Variants in SGCE observed in about 807,000 individuals in gnomAD.
The protein encoded by SGCE is sarcoglycan epsilon.
SGCE carries 26 observed loss-of-function variants against 57.8 expected under a neutral mutation model. The ratio of observed to expected loss-of-function variants is 0.45; its 90% CI spans 0.33 to 0.62. SGCE has a LOEUF of 0.62. SGCE is among the 20% of genes least tolerant of loss of function. The pLI, the probability that SGCE is intolerant of heterozygous loss-of-function variation, is 0.02. For missense variants in SGCE, 468 were observed against 548.6 expected (o/e 0.85, Z 1.47); for synonymous variants, 183 against 189.5 (o/e 0.97, Z 0.28).
At chr7:94,651,315 T>C (rs1411078927) in intron 1 of SGCE, among the ~76,000 whole-genome samples, 1 of 152,234 alleles carries the variant, frequency 6.6e-6, no homozygotes, top group African/African-American at 2.4e-5. Context: ...AATTAATCCA[T>C]GGATTTTAAA....
intron 5 of SGCE, among the ~76,000 whole-genome samples, chr7:94,610,995 A>G (rs1800933501): frequency 6.6e-6 from 1 of 152,226 alleles, no homozygotes; most frequent in African/African-American, 2.4e-5. Flanking sequence ...AAGGCAGATA[A>G]TAGCTAGTGC....
intron 8 of SGCE, 32 bp from the exon 9 acceptor site, chr7:94,598,995 T>G: frequency 1.3e-6 from 2 of 1,545,606 alleles, no homozygotes; most frequent in Non-Finnish European, 1.8e-6. Context: ...CAACATATAT[T>G]TAAAATCATA....
At chr7:94,638,267 T>C (rs569744180) in intron 1 of SGCE, among the ~76,000 whole-genome samples, 1 of 152,296 alleles carries the variant, frequency 6.6e-6, no homozygotes, top group Non-Finnish European at 1.5e-5. Flanking sequence ...AATACACAGG[T>C]ATTTGTAGGT....
intron 10 of SGCE, chr7:94,586,739 T>G (rs1584466755): frequency 1.7e-6 from 1 of 591,798 alleles, no homozygotes; most frequent in Non-Finnish European, 2.1e-6. Flanking sequence ...TGACCTCAGG[T>G]GATCCGCCTG....
At chr7:94,653,997 GTATT>G (rs1808242048) in intron 1 of SGCE, among the ~76,000 whole-genome samples, 3 of 151,980 alleles carry the variant, frequency 2.0e-5, no homozygotes. Flanking sequence ...CTTTTAGAAA[GTATT>G]TAACTGCAAT....
intron 9 of SGCE, among the ~76,000 whole-genome samples, chr7:94,591,865 C>G (rs1797718483): frequency 6.6e-6 from 1 of 152,138 alleles, no homozygotes; most frequent in African/African-American, 2.4e-5. Flanking sequence ...AAGAAAGCAA[C>G]TGTGTGTCTT....
intron 1 of SGCE, among the ~76,000 whole-genome samples, chr7:94,636,844 A>G (rs560568423): frequency 1.2e-3 from 189 of 152,280 alleles, no homozygotes; most frequent in South Asian, 2.1e-3. Context: ...CGGGCAGATC[A>G]CCTGAGGTCA....
chr7:94,600,550 T>G, intron 7 of SGCE, 96 bp downstream of exon 7: 1 of 861,612 alleles, frequency 1.2e-6, no homozygotes. Flanking sequence ...TTACAAAGTG[T>G]TTTATGAACC....
At chr7:94,595,864 T>C (rs1397330982) in intron 9 of SGCE, among the ~76,000 whole-genome samples, 3 of 152,020 alleles carry the variant, frequency 2.0e-5, no homozygotes, top group African/African-American at 7.2e-5. Context: ...TTTCTAAGAA[T>C]AAAAGAAAGA....
At chr7:94,645,431 GA>G (rs1357460889) in intron 1 of SGCE, among the ~76,000 whole-genome samples, 1 of 152,116 alleles carries the variant, frequency 6.6e-6, no homozygotes, top group Non-Finnish European at 1.5e-5. Context: ...AACCTATGGG[GA>G]AAAAAATGGC....
intron 1 of SGCE, among the ~76,000 whole-genome samples, chr7:94,649,775 T>C (rs944262111): frequency 6.6e-6 from 1 of 151,962 alleles, no homozygotes; most frequent in African/African-American, 2.4e-5. Flanking sequence ...ACAACTGGAG[T>C]GGAGGAGAAA....
intron 5 of SGCE, among the ~76,000 whole-genome samples, chr7:94,614,107 C>CAAAAAAAAAAAAAAAAAA (rs925650428): frequency 1.1e-5 from 1 of 94,964 alleles, no homozygotes; most frequent in Non-Finnish European, 2.0e-5. Context: ...AAATTGAAAT[C>CAAAAAAAAAAAAAAAAAA]AAAAAAAAAA....
intron 1 of SGCE, among the ~76,000 whole-genome samples, chr7:94,642,025 A>G (rs1806461837): frequency 6.6e-6 from 1 of 152,148 alleles, no homozygotes; most frequent in South Asian, 2.1e-4. Context: ...TTATATATGT[A>G]CAACTATTAC....
At position 94,586,963 on chromosome 7, in the gene SGCE, T is replaced by G. The variant is rs571477191; in HGVS notation, c.1298-1448A>C. 15 of 983,256 alleles carry G rather than the reference T, an allele frequency of 1.5e-5. No homozygotes were observed. The South Asian group carries it at 6.6e-4, about 43-fold the overall frequency. The allele number at this position is 983,256 out of a possible 1,614,324, so 60.9% of individuals were successfully genotyped here. On this transcript the variant is annotated intron_variant, in intron 10 of 10. Transcript: ENST00000648936. ...AACAACCAAGAGGAGATACTGTACTTTAGTCTATAATATGATCCAAATTGC... is the reference window on the plus strand; with the variant it reads ...AACAACCAAGAGGAGATACTGTACTGTAGTCTATAATATGATCCAAATTGC...
At chr7:94,600,903 C>G in intron 6 of SGCE, 46 bp from the exon 7 acceptor site, 1 of 1,454,326 alleles carries the variant, frequency 6.9e-7, no homozygotes, top group Non-Finnish European at 9.5e-7. Context: ...TCGTTGCAAA[C>G]ATTATGAGAT....
At chr7:94,603,558 T>A in intron 5 of SGCE, 106 bp from the exon 6 acceptor site, 1 of 1,030,342 alleles carries the variant, frequency 9.7e-7, no homozygotes, top group Non-Finnish European at 1.5e-6. Context: ...AGAGATTAAC[T>A]AGACTCATCC....
At chr7:94,639,142 A>G (rs1584742773) in intron 1 of SGCE, among the ~76,000 whole-genome samples, 4 of 152,328 alleles carry the variant, frequency 2.6e-5, no homozygotes, top group Admixed American at 2.6e-4. Context: ...AAGGAAGAGG[A>G]CTTGAAAAAT....
At chr7:94,617,808 C>T (rs1285138967) in intron 5 of SGCE, 1 of 152,084 alleles carries the variant, frequency 6.6e-6, no homozygotes, top group Non-Finnish European at 1.5e-5. Context: ...CCACAGACTG[C>T]ATCCATGTGT....
intron 1 of SGCE, among the ~76,000 whole-genome samples, chr7:94,640,457 T>C (rs1198853124): frequency 6.6e-6 from 1 of 152,156 alleles, no homozygotes; most frequent in Non-Finnish European, 1.5e-5. Flanking sequence ...CAATCTGCTG[T>C]CTACTCTCTG....
Sources: allele counts gnomAD v4.1 joint callset (sites outside exome capture counted in the v4.1 genomes callset), GRCh38; gene constraint gnomAD v4.1.1; transcripts MANE v1.5; gene names NCBI Gene and HGNC (gene_info 2026-07-23, HGNC 2026-07-21).